Variants in ACAT1 observed in about 807,000 individuals in gnomAD.
The protein encoded by ACAT1 is acetyl-CoA acetyltransferase, mitochondrial.
Under a neutral mutation model 47.3 loss-of-function variants are expected in ACAT1, and 28 were observed. The ratio of observed to expected loss-of-function variants is 0.59; its 90% CI spans 0.44 to 0.81. The LOEUF is 0.81. Ranked by LOEUF, ACAT1 falls within the 30% of genes least tolerant of loss-of-function variation. The pLI is 0.00. For synonymous variants in ACAT1, 181 were observed against 173.6 expected (o/e 1.04, Z -0.34); for missense variants, 469 against 524.3 (o/e 0.89, Z 1.03).
intron 8 of ACAT1, among the ~76,000 whole-genome samples, chr11:108,142,018 G>A (rs2077598331): frequency 1.3e-5 from 2 of 152,056 alleles, no homozygotes; most frequent in African/African-American, 4.8e-5. Context: ...TATTTAAAGT[G>A]GTTTGGTAGT....
chr11:108,147,091 A>C (rs2077729418), intron 11 of ACAT1, among the ~76,000 whole-genome samples, 179 bp from the exon 12 acceptor site: 1 of 152,154 alleles, frequency 6.6e-6, no homozygotes, highest in Non-Finnish European at 1.5e-5. Flanking sequence ...AAAATGATCT[A>C]AGATCTGTGA....
chr11:108,116,777 G>C (rs1864958891), upstream of ACAT1, among the ~76,000 whole-genome samples: 1 of 152,086 alleles, frequency 6.6e-6, no homozygotes, highest in African/African-American at 2.4e-5. Context: ...ACAAAGCCAG[G>C]AATACCAAGG....
intron 8 of ACAT1, 80 bp from the exon 9 acceptor site, chr11:108,142,357 G>A (rs1458882509): frequency 3.8e-5 from 40 of 1,059,626 alleles, no homozygotes; most frequent in Non-Finnish European, 4.0e-5. Flanking sequence ...AGCAGCCCAG[G>A]CAATAGGTAT....
At chr11:108,138,435 C>T (rs565405980) in intron 5 of ACAT1, among the ~76,000 whole-genome samples, 6 of 150,632 alleles carry the variant, frequency 4.0e-5, no homozygotes, top group African/African-American at 1.5e-4. Flanking sequence ...CTTGCTCTGC[C>T]CCCCAGGCTG....
chr11:108,117,108 G>C (rs982906128), upstream of ACAT1, among the ~76,000 whole-genome samples: 6 of 152,016 alleles, frequency 3.9e-5, no homozygotes. Context: ...AGCCTAGATT[G>C]CCTTGAAGAG....
At chr11:108,146,713 T>C (rs1565298209) in intron 11 of ACAT1, among the ~76,000 whole-genome samples, 1 of 152,198 alleles carries the variant, frequency 6.6e-6, no homozygotes, top group East Asian at 1.9e-4. Flanking sequence ...AGTCACCCAA[T>C]ATGTAGTTTA....
chr11:108,136,373 T>C, intron 5 of ACAT1: 1 of 329,374 alleles, frequency 3.0e-6, no homozygotes, highest in Non-Finnish European at 5.5e-6. Context: ...TTGCAAATGC[T>C]TTCCATAAAA....
intron 5 of ACAT1, 42 bp downstream of exon 5, chr11:108,135,284 C>T: frequency 7.0e-7 from 1 of 1,436,722 alleles, no homozygotes; most frequent in African/African-American, 1.4e-5. Flanking sequence ...CAGAGTAATA[C>T]CTAGGGCTAA....
upstream of ACAT1, chr11:108,121,486 G>T: frequency 1.7e-6 from 2 of 1,150,018 alleles, no homozygotes; most frequent in South Asian, 2.7e-5. Flanking sequence ...GCCGCCGACT[G>T]AGAGGCGACT....
chr11:108,144,716 A>C (rs78759456), intron 10 of ACAT1, among the ~76,000 whole-genome samples: 2 of 146,284 alleles, frequency 1.4e-5, no homozygotes, highest in South Asian at 2.2e-4. Flanking sequence ...GAAAAAAAAA[A>C]CTGCAGAATC....
In ACAT1 at chr11:108,121,573, C is replaced by T. The variant is rs1453687112; in HGVS notation, c.-34C>T. The T allele has an allele frequency of 1.3e-5, 20 of 1,547,742 alleles. No individual in the cohort carries two copies. The highest frequency in any genetic ancestry group is 2.4e-5 in the South Asian group (2 of 83,990). ...GGTTGGGGAGGAGGCCGCTAGTCTACGCCTGTGGAGCCGATACTCAGCCCT... is the reference window on the plus strand; with the variant it reads ...GGTTGGGGAGGAGGCCGCTAGTCTATGCCTGTGGAGCCGATACTCAGCCCT... On this transcript the variant is annotated 5_prime_UTR_variant, in exon 1 of 12. In the 5' UTR this introduces an upstream ATG that the reference lacks. Coordinates refer to ENST00000265838, the MANE Select transcript of ACAT1 (RefSeq NM_000019.4).
At position 108,139,075 on chromosome 11, in the gene ACAT1, A is replaced by G. The variant is rs1459404746; in HGVS notation, c.579+34A>G. On this transcript the variant is annotated intron_variant, in intron 6 of 11. Transcript: ENST00000265838. ...GATTTTTAGTGGATAAATGCTATCT[A>G]ATGTCCAATACTGTTTGATTTTTCT... 25 of 1,611,676 alleles carry G rather than the reference A, an allele frequency of 1.6e-5. No homozygotes were observed. The South Asian group carries it at 2.4e-4, about 16-fold the overall frequency.
intron 5 of ACAT1, 75 bp downstream of exon 5, chr11:108,135,317 T>A: frequency 1.8e-6 from 2 of 1,097,172 alleles, no homozygotes; most frequent in East Asian, 4.8e-5. Context: ...TCTAGGCATA[T>A]TCATATTTTA....
At chr11:108,131,372 T>TTTTTTTTTTTTTTTTTTTTTTTTTTTTG (rs1555031491) in intron 1 of ACAT1, among the ~76,000 whole-genome samples, 3 of 142,452 alleles carry the variant, frequency 2.1e-5, no homozygotes, top group South Asian at 2.3e-4. Flanking sequence ...TTTTTTTTTT[T>TTTTTTTTTTTTTTTTTTTTTTTTTTTTG]AGACAGTCTT....
At chr11:108,142,737 T>A (rs896261217) in intron 9 of ACAT1, 187 bp downstream of exon 9, 1 of 577,690 alleles carries the variant, frequency 1.7e-6, no homozygotes, top group African/African-American at 1.8e-5. Context: ...CTCGGGAAGC[T>A]GAGGTGGGAG....
Position 108,144,032 on chromosome 11 carries a change from A to G in ACAT1, c.990A>G (p.Val330=), listed in dbSNP as rs764361167. Residue 330 remains valine (V), a synonymous_variant, in exon 10 of 12, where the codon GTA becomes GTG. Coordinates refer to ENST00000265838, the MANE Select transcript of ACAT1 (RefSeq NM_000019.4). ...VEPIDFPIAP[V]YAASMVLKDV... is the part of the protein sequence containing the mutation. ...CTATTGATTTTCCAATTGCTCCTGTATATGCTGCATCTATGGTGAGAACAA... is the reference window on the plus strand; with the variant it reads ...CTATTGATTTTCCAATTGCTCCTGTGTATGCTGCATCTATGGTGAGAACAA... 5.9e-6 allele frequency: 8 copies of G among 1,365,936 alleles called. No homozygotes were observed. In the East Asian group the frequency reaches 1.8e-4, roughly 31 times the overall value. The allele number at this position is 1,365,936 out of a possible 1,614,324, so 84.6% of individuals were successfully genotyped here.
chr11:108,142,721 C>T lies in ACAT1; in HGVS notation c.940+171C>T, dbSNP rs1345762040. On this transcript the variant is annotated intron_variant, in intron 9 of 11. Coordinates refer to ENST00000265838, the MANE Select transcript of ACAT1 (RefSeq NM_000019.4). ...GCATGGTGGCATGTGCCTGTACTAC[C>T]ATCTACTCGGGAAGCTGAGGTGGGA... 27 of 606,406 alleles carry T rather than the reference C, an allele frequency of 4.5e-5. No homozygotes were observed. In the East Asian group the frequency reaches 8.2e-4, roughly 18 times the overall value. The allele number at this position is 606,406 out of a possible 1,614,324, so 37.6% of individuals were successfully genotyped here. A position where few individuals can be genotyped will look rare whatever the true frequency, so the allele number is the denominator to read the frequency against.
At chr11:108,129,973 C>T (rs774680070) in intron 1 of ACAT1, among the ~76,000 whole-genome samples, 41 of 151,878 alleles carry the variant, frequency 2.7e-4, no homozygotes, top group Non-Finnish European at 5.3e-4. Context: ...TGCAACTGAC[C>T]CTGCCAGAAC....
At chr11:108,141,213 A>G in intron 7 of ACAT1, among the ~76,000 whole-genome samples, 1 of 151,724 alleles carries the variant, frequency 6.6e-6, no homozygotes, top group East Asian at 1.9e-4. Flanking sequence ...GAGACTGTGC[A>G]AGACCATTTC....
Sources: allele counts gnomAD v4.1 joint callset (sites outside exome capture counted in the v4.1 genomes callset), GRCh38; gene constraint gnomAD v4.1.1; transcripts MANE v1.5; gene names NCBI Gene and HGNC (gene_info 2026-07-23, HGNC 2026-07-21).